ARHGAP6: variants seen among roughly 807,000 people sequenced by gnomAD.
ARHGAP6 encodes rho GTPase-activating protein 6.
A neutral mutation model predicts 55.7 loss-of-function variants in ARHGAP6; 16 were observed. The observed-to-expected ratio is 0.29, with a 90% CI of 0.19 to 0.44. The LOEUF is 0.44. ARHGAP6 is among the 20% of genes least tolerant of loss of function. The pLI is 1.00. For missense variants in ARHGAP6, 698 were observed against 808.9 expected, an observed-to-expected ratio of 0.86 and a Z score of 1.66; for synonymous variants, 382 against 360.9, an observed-to-expected ratio of 1.06 and a Z score of -0.66.
At chrX:11,468,377 T>C (rs762452365) in intron 1 of ARHGAP6, among the ~76,000 whole-genome samples, 59 of 112,216 alleles carry the variant, frequency 5.3e-4, no homozygotes, top group Admixed American at 2.3e-3. Flanking sequence ...GCTCAGCCCC[T>C]GCCCCTTCAT....
chrX:11,506,393 C>T (rs1163936827), intron 1 of ARHGAP6, among the ~76,000 whole-genome samples: 2 of 110,127 alleles, frequency 1.8e-5, no homozygotes, highest in Admixed American at 9.7e-5. Context: ...GTCCCCTAGC[C>T]CCCCACCCCA....
At chrX:11,649,928 T>C (rs1237645833) in intron 1 of ARHGAP6, among the ~76,000 whole-genome samples, 1 of 110,974 alleles carries the variant, frequency 9.0e-6, no homozygotes, top group Non-Finnish European at 1.9e-5. Context: ...TTTAATTAAT[T>C]AATTGGAAGG....
At chrX:11,516,990 G>A (rs1401603442) in intron 1 of ARHGAP6, among the ~76,000 whole-genome samples, 3 of 111,368 alleles carry the variant, frequency 2.7e-5, no homozygotes, top group East Asian at 5.6e-4. Context: ...ATCTATCCGC[G>A]AGCCTCTCTC....
intron 1 of ARHGAP6, among the ~76,000 whole-genome samples, chrX:11,482,071 G>C (rs767449748): frequency 8.9e-6 from 1 of 112,280 alleles, no homozygotes; most frequent in East Asian, 2.8e-4. Flanking sequence ...TCTCCACCAG[G>C]AGTGGTTTTA....
intron 1 of ARHGAP6, among the ~76,000 whole-genome samples, chrX:11,581,620 T>C (rs2051667575): frequency 9.0e-6 from 1 of 111,617 alleles, no homozygotes; most frequent in African/African-American, 3.3e-5. Flanking sequence ...TGTTACAACA[T>C]GGATAAACCT....
chrX:11,434,521 T>A (rs1343316836), intron 1 of ARHGAP6, among the ~76,000 whole-genome samples: 2 of 110,620 alleles, frequency 1.8e-5, no homozygotes, highest in Non-Finnish European at 3.8e-5. Context: ...GCTTGACTAG[T>A]CACCCCCCTA....
At chrX:11,395,610 A>G (rs1300647674) in intron 1 of ARHGAP6, among the ~76,000 whole-genome samples, 1 of 112,510 alleles carries the variant, frequency 8.9e-6, no homozygotes, top group African/African-American at 3.2e-5. Flanking sequence ...TACTGCTGAA[A>G]TGGGGAAAAC....
intron 1 of ARHGAP6, among the ~76,000 whole-genome samples, chrX:11,602,513 C>A (rs1197178856): frequency 2.7e-5 from 3 of 112,737 alleles, no homozygotes; most frequent in African/African-American, 9.7e-5. Flanking sequence ...CACTACCCTG[C>A]CACTTACCTC....
chrX:11,506,028 T>G (rs1375237807), intron 1 of ARHGAP6, among the ~76,000 whole-genome samples: 1 of 111,092 alleles, frequency 9.0e-6, no homozygotes, highest in Non-Finnish European at 1.9e-5. Flanking sequence ...CATGTACCCC[T>G]GAACCTAAAA....
chrX:11,509,592 TAC>T (rs1482154303), intron 1 of ARHGAP6, among the ~76,000 whole-genome samples: 1 of 112,369 alleles, frequency 8.9e-6, no homozygotes, highest in Non-Finnish European at 1.9e-5. Context: ...GATATTTTGC[TAC>T]ATTCTGTTCA....
intron 2 of ARHGAP6, among the ~76,000 whole-genome samples, chrX:11,211,397 A>AT (rs1410790968): frequency 2.5e-4 from 25 of 101,712 alleles, no homozygotes; most frequent in Admixed American, 1.6e-3. Context: ...CGCCTGGCTA[A>AT]TTTTTTGTAT....
chrX:11,661,749 G>GCTGTAAACACTT (rs2052705627), intron 1 of ARHGAP6, among the ~76,000 whole-genome samples: 2 of 112,409 alleles, frequency 1.8e-5, no homozygotes, highest in Admixed American at 9.4e-5. Context: ...GTTTAGGCCA[G>GCTGTAAACACTT]CTGTAAACAC....
At chrX:11,526,678 A>G (rs958780076) in intron 1 of ARHGAP6, among the ~76,000 whole-genome samples, 1 of 111,894 alleles carries the variant, frequency 8.9e-6, no homozygotes, top group Non-Finnish European at 1.9e-5. Flanking sequence ...CTCAAATTAT[A>G]TAAGGGAATC....
intron 1 of ARHGAP6, among the ~76,000 whole-genome samples, chrX:11,285,517 A>G (rs1189794858): frequency 2.7e-5 from 3 of 112,024 alleles, no homozygotes; most frequent in Non-Finnish European, 5.6e-5. Context: ...TGTAAACACA[A>G]TCTGGGTTTA....
chrX:11,453,190 C>CTA (rs968634754), intron 1 of ARHGAP6, among the ~76,000 whole-genome samples: 3 of 94,668 alleles, frequency 3.2e-5, no homozygotes, highest in South Asian at 4.7e-4. Context: ...GGCTCTCTCT[C>CTA]TCTCTATATA....
At chrX:11,506,489 T>C (rs897933901) in intron 1 of ARHGAP6, among the ~76,000 whole-genome samples, 4 of 108,654 alleles carry the variant, frequency 3.7e-5, no homozygotes, top group African/African-American at 1.4e-4. Flanking sequence ...CAACATGTGG[T>C]GTTTGGTTTT....
chrX:11,148,165 A>T (rs2045723739), intron 10 of ARHGAP6, among the ~76,000 whole-genome samples: 1 of 112,037 alleles, frequency 8.9e-6, no homozygotes, highest in South Asian at 3.8e-4. Context: ...AAGCAACCAC[A>T]ATGTTTTCTC....
At chrX:11,548,408 C>T (rs567785467) in intron 1 of ARHGAP6, among the ~76,000 whole-genome samples, 5 of 110,964 alleles carry the variant, frequency 4.5e-5, no homozygotes, top group African/African-American at 1.6e-4. Flanking sequence ...CCCATCCTCC[C>T]CTCCCTTCTG....
chrX:11,172,484 G>T (rs1337969884), intron 8 of ARHGAP6, among the ~76,000 whole-genome samples: 1 of 108,437 alleles, frequency 9.2e-6, no homozygotes, highest in Non-Finnish European at 1.9e-5. Context: ...CCCCTGTAAA[G>T]TCATATTAGG....
Sources: allele counts gnomAD v4.1 joint callset (sites outside exome capture counted in the v4.1 genomes callset), GRCh38; gene constraint gnomAD v4.1.1; transcripts MANE v1.5; gene names NCBI Gene and HGNC (gene_info 2026-07-23, HGNC 2026-07-21).